Variants in RETREG3 observed in about 807,000 individuals in gnomAD.
The protein encoded by RETREG3 is reticulophagy regulator family member 3.
A neutral mutation model predicts 50.2 loss-of-function variants in RETREG3; 23 were observed. That is an observed-to-expected ratio of 0.46 (90% CI 0.33 to 0.65). RETREG3 has a LOEUF of 0.65. RETREG3 is among the 30% of genes least tolerant of loss of function. The pLI is 0.02. For synonymous variants in RETREG3, 240 were observed against 234.4 expected (o/e 1.02, Z -0.22); for missense variants, 546 against 598.0 (o/e 0.91, Z 0.91).
intron 1 of RETREG3, among the ~76,000 whole-genome samples, chr17:42,594,724 G>A (rs537431539): frequency 1.3e-5 from 2 of 151,606 alleles, no homozygotes; most frequent in South Asian, 4.2e-4. Context: ...GGTGGCAGGT[G>A]CCTGTAGTCC....
chr17:42,609,328 C>T lies in RETREG3; in HGVS notation c.-4G>A, dbSNP rs373242708. 17 of 1,594,256 alleles carry T rather than the reference C, an allele frequency of 1.1e-5. No individual in the cohort carries two copies. The Middle Eastern group carries it at 1.0e-3, about 94-fold the overall frequency. On this transcript the variant is annotated 5_prime_UTR_variant, in exon 1 of 9. Transcript: ENST00000309428. Reference sequence around the variant, plus strand: ...GAACCCCTTCGGCCTCAGCCATCTCCCCGCGGCAGCCACAACATCCGGGGC... The same window carrying T: ...GAACCCCTTCGGCCTCAGCCATCTCTCCGCGGCAGCCACAACATCCGGGGC...
Position 42,593,850 on chromosome 17 carries a change from A to G in RETREG3, c.240-1688T>C, listed in dbSNP as rs1373275563. On this transcript the variant is annotated intron_variant, in intron 1 of 8. Coordinates refer to ENST00000309428, the MANE Select transcript of RETREG3 (RefSeq NM_178126.4). ...TAGCATAAATGCTACACTCTGGGTC[A>G]TTTTTTCCCTTTTTTCCCCCTAAGT... 5.3e-5 allele frequency among the ~76,000 whole-genome samples: 8 copies of G among 152,156 alleles called. No individual in the cohort carries two copies. In the East Asian group the frequency reaches 1.4e-3, roughly 26 times the overall value.
chr17:42,601,574 C>CA (rs199678805), intron 1 of RETREG3, among the ~76,000 whole-genome samples: 42,123 of 99,668 alleles, frequency 0.42, 8,672 homozygotes, highest in East Asian at 0.7. Flanking sequence ...GAGACTCTCT[C>CA]AAAAAAAAAA....
rs574984090 is a variant in RETREG3 at position 42,587,985 on chromosome 17, G to C, written c.347-121C>G. The stretch of plus-strand genomic sequence containing the variant: ...TGGGGAAAAGAAAACAGTAATAGCC[G>C]ATAAAAAAGGAGACACTGTGTTATA... On this transcript the variant is annotated intron_variant, in intron 2 of 8. Coordinates refer to ENST00000309428, the MANE Select transcript of RETREG3 (RefSeq NM_178126.4). 2.8e-6 allele frequency: 3 copies of C among 1,053,880 alleles called. No homozygotes were observed. The African/African-American group carries it at 4.8e-5, about 17-fold the overall frequency. 65.3% of individuals were successfully genotyped at this position (1,053,880 alleles called of 1,614,324 possible).
intron 8 of RETREG3, 120 bp downstream of exon 8, chr17:42,582,554 G>A: frequency 6.8e-7 from 1 of 1,465,778 alleles, no homozygotes; most frequent in African/African-American, 1.4e-5. Flanking sequence ...AGGCTGCTCT[G>A]CCGCCTGATC....
intron 2 of RETREG3, among the ~76,000 whole-genome samples, chr17:42,590,116 A>G (rs1164654921): frequency 6.6e-6 from 1 of 152,212 alleles, no homozygotes; most frequent in African/African-American, 2.4e-5. Context: ...AGGCAGGAGA[A>G]TCATCTGAAC....
chr17:42,600,984 A>C (rs2093157270), intron 1 of RETREG3, among the ~76,000 whole-genome samples: 1 of 152,150 alleles, frequency 6.6e-6, no homozygotes. Context: ...CTCAAAAAAA[A>C]CAATGAATGG....
At chr17:42,587,981 A>G in intron 2 of RETREG3, 117 bp from the exon 3 acceptor site, 1 of 1,147,038 alleles carries the variant, frequency 8.7e-7, no homozygotes. Flanking sequence ...AAACAGTAAT[A>G]GCCGATAAAA....
intron 7 of RETREG3, 126 bp from the exon 8 acceptor site, chr17:42,582,932 G>A (rs923994681): frequency 1.1e-5 from 14 of 1,240,770 alleles, no homozygotes; most frequent in Non-Finnish European, 1.6e-5. Context: ...ACCAGGGATA[G>A]ATGGTAACTT....
At position 42,609,094 on chromosome 17, in the gene RETREG3, C is replaced by G. The variant is rs762175199; in HGVS notation, c.231G>C (p.Ala77=). The part of the protein sequence containing the change: ...RSALWCLGLN[A]AFWFFALTSL... ...GGGTCCAGTTCTCTCACCAGAAAGC[C>G]GCGTTCAGCCCCAGGCACCACAGAG... is the stretch of plus-strand genomic sequence containing the variant. The change falls in exon 1 of 9, where the codon GCG becomes GCC. Residue 77 remains alanine, a synonymous_variant. Coordinates refer to ENST00000309428, the MANE Select transcript of RETREG3 (RefSeq NM_178126.4). The G allele has an allele frequency of 2.2e-5, 36 of 1,605,724 alleles. No individual in the cohort carries two copies. The highest frequency in any genetic ancestry group is 2.8e-5 in the Non-Finnish European group (33 of 1,179,710).
chr17:42,586,098 C>G lies in RETREG3; in HGVS notation c.544G>C (p.Val182Leu). 2 of 1,614,042 alleles carry G rather than the reference C, an allele frequency of 1.2e-6. No individual in the cohort carries two copies. Among genetic ancestry groups the G allele is most frequent in the Non-Finnish European group, 8.5e-7 (1 of 1,180,004 alleles). Residue 182 changes from valine to leucine, a missense_variant, in exon 5 of 9, where the codon GTC (valine) becomes CTC (leucine). By Grantham distance (32) the Val-to-Leu change is conservative (BLOSUM62 1). Transcript: ENST00000309428. ...LSCGILTFLAVLGRYVPGLLL... is the reference protein window; with the variant it reads ...LSCGILTFLALLGRYVPGLLL... ...AGCCCAGGGACGTAGCGGCCCAAGA[C>G]AGCCAAAAAGGTCAGTATCCCACAG...
chr17:42,601,865 C>T (rs2143422585), intron 1 of RETREG3, among the ~76,000 whole-genome samples: 1 of 151,808 alleles, frequency 6.6e-6, no homozygotes, highest in East Asian at 2.0e-4. Flanking sequence ...AATTCCCGAC[C>T]TTAGGTGACC....
chr17:42,587,436 T>C (rs75869336), intron 3 of RETREG3, among the ~76,000 whole-genome samples: 1 of 152,352 alleles, frequency 6.6e-6, no homozygotes, highest in East Asian at 1.9e-4. Context: ...GACTTGCTGA[T>C]GCCAGGAACC....
chr17:42,595,903 A>G (rs2093143376), intron 1 of RETREG3, among the ~76,000 whole-genome samples: 1 of 142,230 alleles, frequency 7.0e-6, no homozygotes, highest in South Asian at 2.1e-4. Context: ...CCTGTCTAAG[A>G]AAAAAAAAAA....
chr17:42,582,052 G>A lies in RETREG3; in HGVS notation c.1162C>T (p.Pro388Ser). Residue 388 changes from proline (P) to serine (S), a missense_variant, in exon 9 of 9, where the codon CCT (proline) becomes TCT (serine). Transcript: ENST00000309428. ...ALPELLLGAL[P>S]VGSNLTSNLA... ...TTGCTGGTGAGGTTGGATCCTACAG[G>A]AAGAGCACCAAGCAGGAGCTCCGGC... The A allele has an allele frequency of 6.2e-7, 1 of 1,614,086 alleles. No individual in the cohort carries two copies. The highest frequency in any genetic ancestry group is 1.1e-5 in the South Asian group (1 of 91,070).
intron 2 of RETREG3, among the ~76,000 whole-genome samples, chr17:42,591,289 T>C (rs189027208): frequency 1.3e-5 from 2 of 152,276 alleles, no homozygotes; most frequent in African/African-American, 4.8e-5. Context: ...AATTTTTCAT[T>C]TGTTTATGTA....
intron 8 of RETREG3, 109 bp from the exon 9 acceptor site, chr17:42,582,379 C>T: frequency 9.2e-7 from 1 of 1,083,720 alleles, no homozygotes; most frequent in Non-Finnish European, 1.3e-6. Context: ...GCGAAATAAA[C>T]CCATGGGACT....
intron 2 of RETREG3, among the ~76,000 whole-genome samples, chr17:42,589,005 C>T (rs767858687): frequency 6.6e-6 from 1 of 151,642 alleles, no homozygotes; most frequent in Non-Finnish European, 1.5e-5. Flanking sequence ...TAGTGATGCT[C>T]ACTTATAGTT....
chr17:42,590,327 T>A (rs958666567), intron 2 of RETREG3, among the ~76,000 whole-genome samples: 1 of 152,142 alleles, frequency 6.6e-6, no homozygotes, highest in African/African-American at 2.4e-5. Context: ...GCTATGATCA[T>A]GCCACTGTAC....
Sources: allele counts gnomAD v4.1 joint callset (sites outside exome capture counted in the v4.1 genomes callset), GRCh38; gene constraint gnomAD v4.1.1; transcripts MANE v1.5; gene names NCBI Gene and HGNC (gene_info 2026-07-23, HGNC 2026-07-21).